Variants in FOXP1 observed in about 807,000 individuals in gnomAD.
The protein encoded by FOXP1 is forkhead box protein P1.
In FOXP1, 15 loss-of-function variants were observed where a neutral mutation model predicts 98.2. That is an observed-to-expected ratio of 0.15 (90% CI 0.10 to 0.24). The LOEUF (loss-of-function observed/expected upper bound fraction) is 0.24, where lower values mean the gene tolerates loss of function less well. Ranked by LOEUF, FOXP1 falls within the 10% of genes least tolerant of loss-of-function variation. The pLI is 1.00. For synonymous variants in FOXP1, 371 were observed against 314.5 expected (o/e 1.18, Z -1.90); for missense variants, 633 against 848.5 (o/e 0.75, Z 3.15).
At chr3:71,221,053 G>C (rs1047485640) in intron 5 of FOXP1, among the ~76,000 whole-genome samples, 2 of 152,168 alleles carry the variant, frequency 1.3e-5, no homozygotes, top group Admixed American at 1.3e-4. Context: ...TTAGAGCGGG[G>C]TCCCCAGCTC....
intron 3 of FOXP1, among the ~76,000 whole-genome samples, chr3:71,443,951 T>A (rs1186166738): frequency 1.3e-5 from 2 of 152,124 alleles, no homozygotes; most frequent in East Asian, 3.9e-4. Flanking sequence ...GCACCCCACA[T>A]TTTGGACCAG....
At chr3:70,990,772 G>C (rs1253634912) in intron 13 of FOXP1, among the ~76,000 whole-genome samples, 4 of 152,124 alleles carry the variant, frequency 2.6e-5, no homozygotes, top group African/African-American at 7.2e-5. Flanking sequence ...CTTGTGCAGG[G>C]GTCATTTTAA....
At position 71,238,656 on chromosome 3, in the gene FOXP1, A is replaced by G. The variant is rs373417786; in HGVS notation, c.-11-40264T>C. Among the ~76,000 whole-genome samples, 19 of 152,332 alleles carry G rather than the reference A, an allele frequency of 1.2e-4. No homozygotes were observed. In the East Asian group the frequency reaches 2.9e-3, roughly 23 times the overall value. On this transcript the variant is annotated intron_variant, in intron 5 of 20. Transcript: ENST00000649528. ...GTAAGATTCTATGACATTAAGTATGACAAGCGTTCACAACAGTTCTAGACC... is the reference window on the plus strand; with the variant it reads ...GTAAGATTCTATGACATTAAGTATGGCAAGCGTTCACAACAGTTCTAGACC...
chr3:71,110,994 T>A (rs1006931075), intron 7 of FOXP1, among the ~76,000 whole-genome samples: 3 of 152,116 alleles, frequency 2.0e-5, no homozygotes, highest in Admixed American at 6.5e-5. Context: ...ACTTTTCCAA[T>A]AAAGCGTCAC....
intron 3 of FOXP1, among the ~76,000 whole-genome samples, chr3:71,467,282 A>C (rs983139620): frequency 3.3e-5 from 5 of 152,188 alleles, no homozygotes; most frequent in Admixed American, 3.3e-4. Context: ...AGGATGATAA[A>C]TTTCTTCCTT....
intron 6 of FOXP1, among the ~76,000 whole-genome samples, chr3:71,144,025 T>C (rs1302668425): frequency 6.6e-6 from 1 of 152,192 alleles, no homozygotes; most frequent in Non-Finnish European, 1.5e-5. Context: ...TGCCACATAA[T>C]TTTACTTTTA....
chr3:71,296,523 A>G (rs1018393030), intron 5 of FOXP1: 1 of 152,214 alleles, frequency 6.6e-6, no homozygotes, highest in Non-Finnish European at 1.5e-5. Flanking sequence ...AATTACATTT[A>G]TTACTTAAGT....
chr3:71,515,611 T>C (rs1317049541), intron 2 of FOXP1, among the ~76,000 whole-genome samples: 1 of 151,688 alleles, frequency 6.6e-6, no homozygotes, highest in Non-Finnish European at 1.5e-5. Context: ...CAAAGTCCCA[T>C]AGTGAAATAA....
chr3:70,984,507 T>A (rs2039408421), intron 14 of FOXP1, among the ~76,000 whole-genome samples: 1 of 152,204 alleles, frequency 6.6e-6, no homozygotes, highest in Non-Finnish European at 1.5e-5. Flanking sequence ...TTATCTGTTA[T>A]TTCTTTTACC....
At chr3:71,337,388 G>C (rs1259139109) in intron 4 of FOXP1, among the ~76,000 whole-genome samples, 1 of 152,178 alleles carries the variant, frequency 6.6e-6, no homozygotes, top group East Asian at 1.9e-4. Context: ...GCAGTGCTCA[G>C]TAGACAATGG....
intron 4 of FOXP1, among the ~76,000 whole-genome samples, chr3:71,303,450 C>T (rs141758149): frequency 1.4e-3 from 212 of 152,248 alleles, no homozygotes; most frequent in African/African-American, 4.8e-3. Context: ...ACCCCCAAAT[C>T]CTCCAATCAA....
intron 3 of FOXP1, among the ~76,000 whole-genome samples, chr3:71,464,319 G>A (rs1315087529): frequency 6.6e-6 from 1 of 152,132 alleles, no homozygotes; most frequent in Non-Finnish European, 1.5e-5. Context: ...TCTGCAAGTC[G>A]GGAGCAGGTG....
chr3:71,126,328 C>A (rs1389445503), intron 6 of FOXP1, among the ~76,000 whole-genome samples: 4 of 143,768 alleles, frequency 2.8e-5, no homozygotes, highest in South Asian at 2.2e-4. Context: ...ATTAAAAATA[C>A]AAAAAAAAAA....
chr3:71,453,878 T>C (rs1284424995), intron 3 of FOXP1, among the ~76,000 whole-genome samples: 1 of 152,198 alleles, frequency 6.6e-6, no homozygotes, highest in Non-Finnish European at 1.5e-5. Context: ...TCCTCATCCC[T>C]TTTTATGCAA....
chr3:70,968,983 G>A (rs1032457151), intron 19 of FOXP1: 5 of 152,240 alleles, frequency 3.3e-5, no homozygotes, highest in Middle Eastern at 3.4e-3. Context: ...CTTGGAAAAC[G>A]GCAGGACAGT....
At chr3:70,962,824 T>G (rs1460700291) in intron 20 of FOXP1, among the ~76,000 whole-genome samples, 1 of 152,196 alleles carries the variant, frequency 6.6e-6, no homozygotes, top group Non-Finnish European at 1.5e-5. Context: ...AATAGAACCA[T>G]CCATCTCCAT....
At chr3:71,080,402 AAAAAAT>A (rs1351170509) in intron 7 of FOXP1, among the ~76,000 whole-genome samples, 1 of 152,236 alleles carries the variant, frequency 6.6e-6, no homozygotes, top group Admixed American at 6.5e-5. Flanking sequence ...ATAGCCAGTT[AAAAAAT>A]AAAAATAAAG....
intron 3 of FOXP1, among the ~76,000 whole-genome samples, chr3:71,442,853 C>T (rs979002402): frequency 6.6e-6 from 1 of 152,016 alleles, no homozygotes; most frequent in African/African-American, 2.4e-5. Context: ...GGTGGGGCTC[C>T]AGCACCTGCA....
chr3:71,447,437 G>C lies in FOXP1; in HGVS notation c.-168+45989C>G, dbSNP rs1222790743. 3.9e-5 allele frequency among the ~76,000 whole-genome samples: 6 copies of C among 152,320 alleles called. No homozygotes were observed. In the East Asian group the frequency reaches 9.6e-4, roughly 24 times the overall value. On this transcript the variant is annotated intron_variant, in intron 3 of 20. Transcript: ENST00000649528. ...ACCAGGTGCCACATGGCTGGAGTCA[G>C]ATCTGAAAGGGCATCACTCCAGCTG...
Sources: gnomAD v4.1 joint callset for allele counts (sites outside exome capture counted in the v4.1 genomes callset) on GRCh38, gnomAD v4.1.1 for gene constraint, MANE v1.5 for transcripts, NCBI Gene and HGNC (gene_info 2026-07-23, HGNC 2026-07-21) for gene names.